KRT3: variants seen among roughly 807,000 people sequenced by gnomAD.
KRT3 encodes keratin, type II cytoskeletal 3.
A neutral mutation model predicts 45.8 loss-of-function variants in KRT3; 34 were observed. The ratio of observed to expected loss-of-function variants is 0.74; its 90% CI spans 0.57 to 0.99. KRT3 has a LOEUF of 0.99. Ranked by LOEUF, KRT3 falls within the 50% of genes least tolerant of loss-of-function variation. KRT3 has a pLI of 0.00. For missense variants in KRT3, 828 were observed against 820.6 expected (o/e 1.01, Z -0.11); for synonymous variants, 367 against 329.0 (o/e 1.12, Z -1.25).
chr12:52,790,904 G>C (rs374530738), intron 7 of KRT3, 32 bp from the exon 8 acceptor site: 1 of 1,577,244 alleles, frequency 6.3e-7, no homozygotes, highest in African/African-American at 1.3e-5. Flanking sequence ...AGTGGGCCCC[G>C]TCACAAAGCA....
At position 52,791,430 on chromosome 12, in the gene KRT3, G is replaced by A. The variant is rs1196491663; in HGVS notation, c.1315-4C>T. On this transcript the variant is annotated splice_region_variant and splice_polypyrimidine_tract_variant and intron_variant, in intron 6 of 8. Coordinates refer to ENST00000417996, the MANE Select transcript of KRT3 (RefSeq NM_057088.3). ...TGGCCGTCTGCAGGTTGGCATTCTG[G>A]GGCAAGGGAGGTAGGAGGAATGAGC... 5.0e-6 allele frequency: 8 copies of A among 1,613,918 alleles called. No homozygotes were observed. The highest frequency in any genetic ancestry group is 1.3e-5 in the African/African-American group (1 of 75,060).
rs1226191522 is a variant in KRT3 at position 52,792,303 on chromosome 12, C to T, written c.1124G>A (p.Arg375His). 12 of 1,613,986 alleles carry T rather than the reference C, an allele frequency of 7.4e-6. No individual in the cohort carries two copies. The highest frequency in any genetic ancestry group is 5.5e-5 in the South Asian group (5 of 91,072). The change falls in exon 5 of 9, where the codon CGT (arginine) becomes CAT (histidine). Residue 375 changes from arginine (R) to histidine (H), a missense_variant. By Grantham distance (29) the Arg-to-His change is conservative. Coordinates refer to ENST00000417996, the MANE Select transcript of KRT3 (RefSeq NM_057088.3). ...LDLDSIIAEV[R>H]AQYEDIAQRS... ...CTGAGCGATATCCTCATACTGTGCA[C>T]GAACTTCAGCAATGATGCTGTCCAG...
At chr12:52,794,408 AG>A (rs1373052049) in intron 1 of KRT3, 77 bp from the exon 2 acceptor site, 11 of 1,064,338 alleles carry the variant, frequency 1.0e-5, no homozygotes, top group Non-Finnish European at 1.4e-5. Context: ...AGGTAGGACT[AG>A]GTGTCTATCT....
chr12:52,790,832 A>G lies in KRT3; in HGVS notation c.1570+6T>C, dbSNP rs1171178307. The G allele has an allele frequency of 6.3e-7, 1 of 1,592,190 alleles. No homozygotes were observed. Among genetic ancestry groups the G allele is most frequent in the Admixed American group, 1.7e-5 (1 of 57,176 alleles). On this transcript the variant is annotated splice_donor_region_variant and intron_variant, in intron 8 of 8. Coordinates refer to ENST00000417996, the MANE Select transcript of KRT3 (RefSeq NM_057088.3). ...TCTCATTTTCTTAGCTACTTTCGGT[A>G]CTTACAGATGCTGACAGCACTCGGA...
intron 1 of KRT3, 59 bp from the exon 2 acceptor site, chr12:52,794,390 C>A (rs1337717372): frequency 7.6e-7 from 1 of 1,319,696 alleles, no homozygotes; most frequent in South Asian, 1.2e-5. Context: ...GCAGAGGGGC[C>A]TTCACTCAGG....
In KRT3 at chr12:52,789,876, A is replaced by C; in HGVS notation, c.*166T>G. ...GAGAGAAGAGCCTGAAATTCTCGTGACTGGGCTTGGCCGGGGATCTGGAAG... is the reference window on the plus strand; with the variant it reads ...GAGAGAAGAGCCTGAAATTCTCGTGCCTGGGCTTGGCCGGGGATCTGGAAG... On this transcript the variant is annotated 3_prime_UTR_variant, in exon 9 of 9. Coordinates refer to ENST00000417996, the MANE Select transcript of KRT3 (RefSeq NM_057088.3). 1.4e-6 allele frequency: 1 copy of C among 727,164 alleles called. No homozygotes were observed. The highest frequency in any genetic ancestry group is 2.3e-6 in the Non-Finnish European group (1 of 431,732). 45.0% of individuals were successfully genotyped at this position (727,164 alleles called of 1,614,324 possible).
Position 52,792,297 on chromosome 12 carries a change from T to A in KRT3, c.1130A>T (p.Gln377Leu). The A allele has an allele frequency of 6.2e-7, 1 of 1,614,182 alleles. No homozygotes were observed. Residue 377 changes from glutamine (Q) to leucine (L), a missense_variant, in exon 5 of 9, where the codon CAG becomes CTG. Coordinates refer to ENST00000417996, the MANE Select transcript of KRT3 (RefSeq NM_057088.3). ...GCTTCTCTGAGCGATATCCTCATAC[T>A]GTGCACGAACTTCAGCAATGATGCT... Reference protein sequence around the residue: ...LDSIIAEVRAQYEDIAQRSKA... With the variant: ...LDSIIAEVRALYEDIAQRSKA...
intron 1 of KRT3, among the ~76,000 whole-genome samples, chr12:52,794,679 A>G (rs910539247): frequency 1.3e-5 from 2 of 152,154 alleles, no homozygotes; most frequent in Non-Finnish European, 2.9e-5. Flanking sequence ...CAGCAGCACC[A>G]TTTCCACCCA....
chr12:52,795,959 CCTG>C lies in KRT3; in HGVS notation c.81_83del (p.Ser27del). 6.2e-7 allele frequency: 1 copy of C among 1,614,114 alleles called. No individual in the cohort carries two copies. The highest frequency in any genetic ancestry group is 8.5e-7 in the Non-Finnish European group (1 of 1,180,010). The stretch of plus-strand genomic sequence containing the variant: ...CCCCAGAGTGGGCCACACAGCTCAT[CCTG>C]CTGCTGCCGGAGACCACAGCAGAGC... On this transcript the variant is annotated inframe_deletion, in exon 1 of 9. Coordinates refer to ENST00000417996, the MANE Select transcript of KRT3 (RefSeq NM_057088.3).
intron 7 of KRT3, 81 bp downstream of exon 7, chr12:52,791,125 C>A: frequency 6.3e-7 from 1 of 1,599,634 alleles, no homozygotes; most frequent in Non-Finnish European, 8.5e-7. Context: ...AGGGCTCCAT[C>A]CCCAGTTACT....
rs1397575455 is a variant in KRT3, at chr12:52,790,835, T to G, written c.1570+3A>C. ...CATTTTCTTAGCTACTTTCGGTACT[T>G]ACAGATGCTGACAGCACTCGGACAC... On this transcript the variant is annotated splice_donor_region_variant and intron_variant, in intron 8 of 8. Transcript: ENST00000417996. 1.3e-6 allele frequency: 2 copies of G among 1,595,052 alleles called. No homozygotes were observed. Among genetic ancestry groups the G allele is most frequent in the East Asian group, 4.5e-5 (2 of 44,360 alleles).
intron 5 of KRT3, 29 bp from the exon 6 acceptor site, chr12:52,791,845 TC>T: frequency 1.2e-6 from 2 of 1,604,244 alleles, no homozygotes; most frequent in Non-Finnish European, 1.7e-6. Context: ...GATGGGGTAT[TC>T]CTGCAGCTTT....
chr12:52,792,606 C>T, intron 4 of KRT3, 105 bp downstream of exon 4: 2 of 1,008,376 alleles, frequency 2.0e-6, no homozygotes, highest in Non-Finnish European at 3.2e-6. Context: ...CATCTCCAGG[C>T]TCATTCCAGA....
At chr12:52,792,934 C>T (rs117079374) in intron 3 of KRT3, 128 bp from the exon 4 acceptor site, 34,778 of 729,544 alleles carry the variant, frequency 0.048, 1,248 homozygotes, top group South Asian at 0.13. Context: ...TCCACTTGAA[C>T]GGGCAATTTG....
intron 2 of KRT3, 55 bp from the exon 3 acceptor site, chr12:52,793,278 C>A: frequency 8.0e-7 from 1 of 1,243,802 alleles, no homozygotes; most frequent in Non-Finnish European, 1.2e-6. Flanking sequence ...TCGTAAACAC[C>A]ATTGTTCCCT....
chr12:52,793,502 T>C (rs1939573353), intron 2 of KRT3, among the ~76,000 whole-genome samples: 1 of 152,202 alleles, frequency 6.6e-6, no homozygotes, highest in South Asian at 2.1e-4. Context: ...TACCATGAGT[T>C]GTCCCAGAAT....
chr12:52,795,185 G>A (rs1939608765), intron 1 of KRT3, among the ~76,000 whole-genome samples: 1 of 152,136 alleles, frequency 6.6e-6, no homozygotes. Flanking sequence ...TGGTGCTCAG[G>A]TCCAAATAGG....
At position 52,791,409 on chromosome 12, in the gene KRT3, C is replaced by T. The variant is rs373424785; in HGVS notation, c.1332G>A (p.Thr444=). The change falls in exon 7 of 9, where the codon ACG becomes ACA. Residue 444 remains threonine (T), a synonymous_variant. Transcript: ENST00000417996. ...GVKKQNANLQ[T]AIAEAEQHGE... ...CATGCTGCTCGGCCTCGGCAATGGC[C>T]GTCTGCAGGTTGGCATTCTGGGGCA... 9 of 1,614,042 alleles carry T rather than the reference C, an allele frequency of 5.6e-6. No individual in the cohort carries two copies. Among genetic ancestry groups the T allele is most frequent in the East Asian group, 4.5e-5 (2 of 44,904 alleles).
chr12:52,794,086 T>C (rs1939585022), intron 2 of KRT3, 25 bp downstream of exon 2: 1 of 1,586,684 alleles, frequency 6.3e-7, no homozygotes, highest in Non-Finnish European at 8.6e-7. Flanking sequence ...CCATGGCATC[T>C]TCCCACTCCT....
Sources: gnomAD v4.1 joint callset for allele counts (sites outside exome capture counted in the v4.1 genomes callset) on GRCh38, gnomAD v4.1.1 for gene constraint, MANE v1.5 for transcripts, NCBI Gene and HGNC (gene_info 2026-07-23, HGNC 2026-07-21) for gene names.